Variants in KCNQ3 observed in about 807,000 individuals in gnomAD.
KCNQ3 encodes the protein potassium voltage-gated channel subfamily Q member 3, also known as potassium voltage-gated channel subfamily KQT member 3.
In KCNQ3, 30 loss-of-function variants were observed where a neutral mutation model predicts 92.5. The observed-to-expected ratio is 0.32, with a 90% confidence interval of 0.24 to 0.44. KCNQ3 has a LOEUF of 0.44. Ranked by LOEUF, KCNQ3 falls within the 20% of genes least tolerant of loss-of-function variation. The probability of loss-of-function intolerance (pLI) is 1.00; values close to 1 mark genes in which losing one functional copy is unlikely to be tolerated. For missense variants in KCNQ3, 913 were observed against 1,140.3 expected (o/e 0.80, Z 2.87); for synonymous variants, 450 against 468.8 (o/e 0.96, Z 0.52).
intron 1 of KCNQ3, among the ~76,000 whole-genome samples, chr8:132,471,983 T>C (rs1254820680): frequency 6.6e-6 from 1 of 152,144 alleles, no homozygotes; most frequent in Non-Finnish European, 1.5e-5. Context: ...AGAAGACATA[T>C]ATATGGTCAA....
chr8:132,337,588 T>TC (rs1818399881), intron 1 of KCNQ3, among the ~76,000 whole-genome samples: 1 of 152,140 alleles, frequency 6.6e-6, no homozygotes, highest in African/African-American at 2.4e-5. Flanking sequence ...GAAGGGCTGG[T>TC]ACCAACAGGT....
Position 132,124,133 on chromosome 8 carries a change from C to T in KCNQ3, c.*5129G>A, listed in dbSNP as rs975280507. ...GAGATCCAACATTCCTGCCTCTCTTCATTCCAAGATTCCTTCTGTTCTTTA... is the reference window on the plus strand; with the variant it reads ...GAGATCCAACATTCCTGCCTCTCTTTATTCCAAGATTCCTTCTGTTCTTTA... On this transcript the variant is annotated 3_prime_UTR_variant, in exon 15 of 15. Coordinates refer to ENST00000388996, the MANE Select transcript of KCNQ3 (RefSeq NM_004519.4). The T allele has an allele frequency of 2.0e-5, 3 of 152,212 alleles. No homozygotes were observed. Among genetic ancestry groups the T allele is most frequent in the Non-Finnish European group, 4.4e-5 (3 of 68,042 alleles). The allele number at this position is 152,212 out of a possible 1,614,324, so 9.4% of individuals were successfully genotyped here.
intron 1 of KCNQ3, among the ~76,000 whole-genome samples, chr8:132,373,307 T>A (rs1040043001): frequency 1.3e-5 from 2 of 152,196 alleles, no homozygotes; most frequent in Non-Finnish European, 2.9e-5. Flanking sequence ...TTTATTAATA[T>A]CATTGGGCAA....
chr8:132,141,472 AG>A, intron 9 of KCNQ3, 141 bp from the exon 10 acceptor site: 2 of 785,350 alleles, frequency 2.5e-6, no homozygotes, highest in Non-Finnish European at 4.3e-6. Context: ...CTGACTCAGC[AG>A]CTTGGAATCG....
intron 1 of KCNQ3, among the ~76,000 whole-genome samples, chr8:132,347,550 G>A (rs1818728616): frequency 6.6e-6 from 1 of 152,138 alleles, no homozygotes; most frequent in Admixed American, 6.5e-5. Context: ...AATGCTGTGA[G>A]GTGAAAGGAC....
At chr8:132,240,345 C>A (rs1814953472) in intron 1 of KCNQ3, among the ~76,000 whole-genome samples, 1 of 152,138 alleles carries the variant, frequency 6.6e-6, no homozygotes, top group Non-Finnish European at 1.5e-5. Flanking sequence ...CGCCACCATG[C>A]CCAGCTAACT....
chr8:132,418,657 G>A (rs147865760), intron 1 of KCNQ3, among the ~76,000 whole-genome samples: 9 of 152,164 alleles, frequency 5.9e-5, no homozygotes, highest in East Asian at 3.9e-4. Flanking sequence ...GTGGTGGTGC[G>A]TGCCTGTAGT....
intron 1 of KCNQ3, among the ~76,000 whole-genome samples, chr8:132,308,402 A>G (rs1347962380): frequency 6.6e-6 from 1 of 152,178 alleles, no homozygotes; most frequent in Non-Finnish European, 1.5e-5. Context: ...AGCCCAGAGA[A>G]GAAGATAACA....
intron 9 of KCNQ3, among the ~76,000 whole-genome samples, chr8:132,143,922 TCTA>T (rs1825375882): frequency 6.6e-6 from 1 of 152,256 alleles, no homozygotes; most frequent in Non-Finnish European, 1.5e-5. Flanking sequence ...ACATTGTCAT[TCTA>T]CTCCACTTCC....
chr8:132,251,635 C>T (rs1380477819), intron 1 of KCNQ3, among the ~76,000 whole-genome samples: 1 of 152,222 alleles, frequency 6.6e-6, no homozygotes, highest in Non-Finnish European at 1.5e-5. Context: ...GGGAGGCTCA[C>T]TCCTGCTCCA....
chr8:132,446,792 C>T (rs944922743), intron 1 of KCNQ3, among the ~76,000 whole-genome samples: 23 of 152,110 alleles, frequency 1.5e-4, no homozygotes, highest in Admixed American at 8.5e-4. Flanking sequence ...TCCCAGGCGA[C>T]GGGAGGACAA....
At chr8:132,173,929 C>A (rs757413190) in intron 6 of KCNQ3, among the ~76,000 whole-genome samples, 3 of 152,218 alleles carry the variant, frequency 2.0e-5, no homozygotes, top group Non-Finnish European at 2.9e-5. Flanking sequence ...GAAGGCAGAT[C>A]TAGAAATGTG....
intron 1 of KCNQ3, among the ~76,000 whole-genome samples, chr8:132,230,078 G>C (rs1385210783): frequency 6.6e-6 from 1 of 152,046 alleles, no homozygotes; most frequent in Non-Finnish European, 1.5e-5. Flanking sequence ...GTTTTTCTCT[G>C]CCTCAGGGCC....
At chr8:132,355,923 G>T (rs758231521) in intron 1 of KCNQ3, among the ~76,000 whole-genome samples, 4 of 152,160 alleles carry the variant, frequency 2.6e-5, no homozygotes, top group African/African-American at 7.2e-5. Flanking sequence ...CCTTTTACTC[G>T]GGGAGAGTCA....
At chr8:132,448,502 G>GAAAAAAAAAAAAAAAAAAAAAAGGAAA in intron 1 of KCNQ3, among the ~76,000 whole-genome samples, 3 of 93,880 alleles carry the variant, frequency 3.2e-5, no homozygotes, top group Non-Finnish European at 6.2e-5. Flanking sequence ...GGAGAAATAT[G>GAAAAAAAAAAAAAAAAAAAAAAGGAAA]AAAAAAAAAA....
chr8:132,450,879 G>A (rs1440710999), intron 1 of KCNQ3, among the ~76,000 whole-genome samples: 1 of 152,178 alleles, frequency 6.6e-6, no homozygotes, highest in African/African-American at 2.4e-5. Context: ...AAGAAAAGCA[G>A]AACTGAAAAA....
At chr8:132,255,203 G>A (rs1019087558) in intron 1 of KCNQ3, among the ~76,000 whole-genome samples, 8 of 151,906 alleles carry the variant, frequency 5.3e-5, no homozygotes, top group African/African-American at 1.9e-4. Context: ...GAGACAGAAT[G>A]GAGCTCCTCC....
intron 1 of KCNQ3, chr8:132,187,156 T>A: frequency 2.2e-6 from 1 of 456,098 alleles, no homozygotes; most frequent in African/African-American, 2.0e-5. Context: ...TAAGCTCTCC[T>A]ACTCCAGGTA....
rs902722310 is a variant in KCNQ3, at chr8:132,123,344, T to C, written c.*5918A>G. The C allele has an allele frequency of 1.3e-5, 2 of 152,340 alleles. No individual in the cohort carries two copies. The highest frequency in any genetic ancestry group is 2.9e-5 in the Non-Finnish European group (2 of 68,142). 9.4% of individuals were successfully genotyped at this position (152,340 alleles called of 1,614,324 possible). A position where few individuals can be genotyped will look rare whatever the true frequency, so the allele number is the denominator to read the frequency against. ...GAGTGCCTGCATGGCCATGGGATTG[T>C]TCTTCATTCCCTTTCTCAACTGCAC... On this transcript the variant is annotated 3_prime_UTR_variant, in exon 15 of 15. Coordinates refer to ENST00000388996, the MANE Select transcript of KCNQ3 (RefSeq NM_004519.4).
Sources: gnomAD v4.1 joint callset for allele counts (sites outside exome capture counted in the v4.1 genomes callset) on GRCh38, gnomAD v4.1.1 for gene constraint, MANE v1.5 for transcripts, NCBI Gene and HGNC (gene_info 2026-07-23, HGNC 2026-07-21) for gene names.